Variants in BIRC6 observed in about 807,000 individuals in gnomAD.
BIRC6 encodes baculoviral IAP repeat containing 6.
A neutral mutation model predicts 503.3 loss-of-function variants in BIRC6; 98 were observed. That is an observed-to-expected ratio of 0.19 (90% confidence interval 0.17 to 0.23). The LOEUF (loss-of-function observed/expected upper bound fraction) is 0.23, where lower values mean the gene tolerates loss of function less well. Ranked by LOEUF, BIRC6 falls within the 10% of genes least tolerant of loss-of-function variation. BIRC6 has a pLI of 1.00. For synonymous variants in BIRC6, 2,240 were observed against 2,078.7 expected, an observed-to-expected ratio of 1.08 and a Z score of -2.11; for missense variants, 5,360 against 5,806.0, an observed-to-expected ratio of 0.92 and a Z score of 2.50.
Position 32,593,943 on chromosome 2 carries a change from G to A in BIRC6, c.13384G>A (p.Val4462Ile), listed in dbSNP as rs61754241. Residue 4462 changes from valine (V) to isoleucine (I), a missense_variant, in exon 67 of 74, where the codon GTA becomes ATA. By Grantham distance (29) the Val-to-Ile change is conservative. Coordinates refer to ENST00000421745, the MANE Select transcript of BIRC6 (RefSeq NM_016252.4). Reference sequence around the variant, plus strand: ...TAAAAGGGAAAATGTTAAAACAGGAGTAAAACCAGATGCGTCTGATCAAGA... The same window carrying A: ...TAAAAGGGAAAATGTTAAAACAGGAATAAAACCAGATGCGTCTGATCAAGA... ...RSKRENVKTG[V>I]KPDASDQEPE... 19,158 of 1,612,672 alleles carry A rather than the reference G, an allele frequency of 0.012. 149 individuals carry two copies. The highest frequency in any genetic ancestry group is 0.014 in the Non-Finnish European group (16,799 of 1,179,338).
chr2:32,470,133 C>A, intron 30 of BIRC6, 35 bp from the exon 31 acceptor site: 1 of 1,411,880 alleles, frequency 7.1e-7, no homozygotes, highest in Non-Finnish European at 9.3e-7. Context: ...CGAATTGATT[C>A]TTATTCTTTT....
In BIRC6 at chr2:32,453,947, G is replaced by A. The variant is rs756406647; in HGVS notation, c.4753+5G>A. The A allele has an allele frequency of 2.5e-6, 4 of 1,609,832 alleles. No homozygotes were observed. Among genetic ancestry groups the A allele is most frequent in the Non-Finnish European group, 3.4e-6 (4 of 1,176,586 alleles). ...GAATAGAAAGGGATGATGCAAGTAC[G>A]TTTACTGGTATATACCTTCTTTTAT... On this transcript the variant is annotated splice_donor_5th_base_variant and intron_variant, in intron 23 of 73. Coordinates refer to ENST00000421745, the MANE Select transcript of BIRC6 (RefSeq NM_016252.4).
At chr2:32,603,820 CATG>C (rs1339572894) in intron 71 of BIRC6, among the ~76,000 whole-genome samples, 2 of 151,860 alleles carry the variant, frequency 1.3e-5, no homozygotes, top group Non-Finnish European at 2.9e-5. Context: ...TGACTCAAAT[CATG>C]AGCCTACATT....
At position 32,493,587 on chromosome 2, in the gene BIRC6, A is replaced by T; in HGVS notation, c.8388A>T (p.Leu2796Phe). Reference protein sequence around the residue: ...TQAMQEFLTRLQVHLSSTCPQ... With the variant: ...TQAMQEFLTRFQVHLSSTCPQ... Reference sequence around the variant, plus strand: ...CTATGCAAGAATTTCTTACTCGATTACAAGTGCATCTTTCTTCAACATGTC... The same window carrying T: ...CTATGCAAGAATTTCTTACTCGATTTCAAGTGCATCTTTCTTCAACATGTC... Residue 2796 changes from leucine to phenylalanine, a missense_variant, in exon 45 of 74, where the codon TTA (leucine) becomes TTT (phenylalanine). Physicochemically the swap from Leu to Phe is conservative, Grantham distance 22. Around this residue, in one of 16 missense-constraint regions of BIRC6, gnomAD observed 2,299 missense variants for 2,267.2 expected, o/e 1.01. Coordinates refer to ENST00000421745, the MANE Select transcript of BIRC6 (RefSeq NM_016252.4). The T allele has an allele frequency of 6.2e-7, 1 of 1,609,880 alleles. No homozygotes were observed. Among genetic ancestry groups the T allele is most frequent in the Non-Finnish European group, 8.5e-7 (1 of 1,177,058 alleles).
chr2:32,414,792 A>T lies in BIRC6; in HGVS notation c.1501A>T (p.Met501Leu). Residue 501 changes from methionine (M) to leucine (L), a missense_variant, in exon 10 of 74, where the codon ATG becomes TTG. Coordinates refer to ENST00000421745, the MANE Select transcript of BIRC6 (RefSeq NM_016252.4). ...VTGHTSQKEA[M>L]EVSLDITALS... is the part of the protein sequence containing the mutation. ...AGGGCATACATCACAGAAGGAAGCCATGGAAGTAAGCCTTGATATAACAGC... is the reference window on the plus strand; with the variant it reads ...AGGGCATACATCACAGAAGGAAGCCTTGGAAGTAAGCCTTGATATAACAGC... 6.2e-7 allele frequency: 1 copy of T among 1,613,254 alleles called. No individual in the cohort carries two copies. Among genetic ancestry groups the T allele is most frequent in the South Asian group, 1.1e-5 (1 of 91,014 alleles).
intron 61 of BIRC6, among the ~76,000 whole-genome samples, chr2:32,535,461 AC>A (rs2057151564): frequency 1.3e-5 from 2 of 151,374 alleles, no homozygotes; most frequent in African/African-American, 4.9e-5. Flanking sequence ...CCCTCCTCCC[AC>A]CCCACAACAG....
rs1227314438 is a variant in BIRC6 at position 32,563,827 on chromosome 2, C to T, written c.13145-11329C>T. 3.3e-5 allele frequency: 5 copies of T among 152,158 alleles called. No individual in the cohort carries two copies. In the East Asian group the frequency reaches 9.6e-4, roughly 29 times the overall value. The allele number at this position is 152,158 out of a possible 1,614,324, so 9.4% of individuals were successfully genotyped here. ...GGCACATTTGCTCATGCCTGTAATC[C>T]CAGCACTTTGGGAGGCCCAGGTGGG... On this transcript the variant is annotated intron_variant, in intron 65 of 73. Transcript: ENST00000421745.
chr2:32,579,955 G>GTT lies in BIRC6; in HGVS notation c.13355+4605_13355+4606dup, dbSNP rs566605734. On this transcript the variant is annotated intron_variant, in intron 66 of 73. Coordinates refer to ENST00000421745, the MANE Select transcript of BIRC6 (RefSeq NM_016252.4). ...AATGGGGGAAATAATAACCAGGCAG[G>GTT]TTTTTTTTTTTTTTTTTGGACAGAG... 9.6e-4 allele frequency among the ~76,000 whole-genome samples: 128 copies of GTT among 132,700 alleles called. 1 individual carries two copies. The highest frequency in any genetic ancestry group is 1.4e-3 in the Non-Finnish European group (87 of 61,154). 87.1% of individuals were successfully genotyped at this position (132,700 alleles called of 152,430 possible).
intron 15 of BIRC6, among the ~76,000 whole-genome samples, chr2:32,436,426 CT>C (rs930277314): frequency 2.0e-5 from 3 of 152,124 alleles, no homozygotes; most frequent in African/African-American, 7.2e-5. Flanking sequence ...GAAGAAATGA[CT>C]ACAGGATGAC....
intron 51 of BIRC6, among the ~76,000 whole-genome samples, chr2:32,508,941 G>A (rs1443740316): frequency 2.6e-5 from 4 of 151,880 alleles, no homozygotes; most frequent in African/African-American, 7.3e-5. Flanking sequence ...AAAATTAGCC[G>A]GGCATGGCGG....
intron 29 of BIRC6, 58 bp downstream of exon 29, chr2:32,468,841 G>A (rs2048829806): frequency 7.8e-7 from 1 of 1,277,768 alleles, no homozygotes; most frequent in Non-Finnish European, 1.1e-6. Context: ...TGATTTCGCT[G>A]CATGTTTTAG....
chr2:32,538,868 C>T (rs2057442640), intron 61 of BIRC6, among the ~76,000 whole-genome samples: 1 of 152,044 alleles, frequency 6.6e-6, no homozygotes, highest in Non-Finnish European at 1.5e-5. Context: ...AGATCGTGCC[C>T]CTGCACTGCA....
chr2:32,460,480 T>C (rs1324501128), intron 23 of BIRC6, among the ~76,000 whole-genome samples: 2 of 151,262 alleles, frequency 1.3e-5, no homozygotes, highest in African/African-American at 4.9e-5. Context: ...TTTTGCCATG[T>C]TGGTCAGGCT....
At chr2:32,393,935 A>C (rs1355434267) in intron 5 of BIRC6, among the ~76,000 whole-genome samples, 3 of 136,462 alleles carry the variant, frequency 2.2e-5, no homozygotes, top group African/African-American at 8.5e-5. Context: ...TACTAAAATT[A>C]AACCAGAAAA....
At chr2:32,514,762 T>A (rs953343604) in intron 54 of BIRC6, among the ~76,000 whole-genome samples, 1 of 152,192 alleles carries the variant, frequency 6.6e-6, no homozygotes, top group Admixed American at 6.5e-5. Context: ...CTGTACTCAT[T>A]GACAAGTCTA....
chr2:32,583,842 T>TA (rs2060851133), intron 66 of BIRC6, among the ~76,000 whole-genome samples: 1 of 152,178 alleles, frequency 6.6e-6, no homozygotes, highest in African/African-American at 2.4e-5. Context: ...GTGATTTTTC[T>TA]ACCTCAGCCT....
chr2:32,392,458 G>T (rs1162675310), intron 5 of BIRC6, among the ~76,000 whole-genome samples: 1 of 152,074 alleles, frequency 6.6e-6, no homozygotes, highest in Non-Finnish European at 1.5e-5. Flanking sequence ...GTTTCACCAT[G>T]TTGCCAAGGC....
chr2:32,438,624 A>G (rs1031353816), intron 15 of BIRC6, among the ~76,000 whole-genome samples: 3 of 140,534 alleles, frequency 2.1e-5, no homozygotes, highest in Non-Finnish European at 4.5e-5. Flanking sequence ...CAGTGGTGCC[A>G]TCTTGGCTCA....
intron 8 of BIRC6, among the ~76,000 whole-genome samples, chr2:32,404,140 G>T (rs1479468909): frequency 1.3e-5 from 2 of 151,934 alleles, no homozygotes; most frequent in African/African-American, 2.4e-5. Flanking sequence ...ATGTTGGCCA[G>T]GCTGTTCTCG....
Sources: gnomAD v4.1 joint callset for allele counts (sites outside exome capture counted in the v4.1 genomes callset) on GRCh38, gnomAD v4.1.1 for gene constraint, gnomAD v4.1.1 regional missense constraint, MANE v1.5 for transcripts, NCBI Gene and HGNC (gene_info 2026-07-23, HGNC 2026-07-21) for gene names.